ANKRD12: variants seen among roughly 807,000 people sequenced by gnomAD.
The protein encoded by ANKRD12 is ankyrin repeat domain 12, also known as ankyrin repeat domain-containing protein 12.
In ANKRD12, 85 loss-of-function variants were observed where a neutral mutation model predicts 183.4. The ratio of observed to expected loss-of-function variants is 0.46; its 90% CI spans 0.39 to 0.56. The LOEUF (loss-of-function observed/expected upper bound fraction) is 0.56, where lower values mean the gene tolerates loss of function less well. ANKRD12 is among the 20% of genes least tolerant of loss of function. The pLI is 0.00. For synonymous variants in ANKRD12, 914 were observed against 800.2 expected (o/e 1.14, Z -2.40); for missense variants, 2,405 against 2,357.1 (o/e 1.02, Z -0.42).
At chr18:9,139,181 A>G (rs976716329) in intron 1 of ANKRD12, among the ~76,000 whole-genome samples, 6 of 152,216 alleles carry the variant, frequency 3.9e-5, no homozygotes, top group Admixed American at 1.3e-4. Flanking sequence ...AGACGAGGAA[A>G]GAATTTAGCT....
chr18:9,164,715 C>G (rs2031845625), intron 1 of ANKRD12, among the ~76,000 whole-genome samples: 1 of 152,148 alleles, frequency 6.6e-6, no homozygotes, highest in Non-Finnish European at 1.5e-5. Flanking sequence ...GAGTGAATTT[C>G]TTCGTCTTGA....
At chr18:9,158,364 G>T (rs115843342) in intron 1 of ANKRD12, among the ~76,000 whole-genome samples, 1 of 152,144 alleles carries the variant, frequency 6.6e-6, no homozygotes, top group South Asian at 2.1e-4. Flanking sequence ...CCAGGATACC[G>T]CATTACATTT....
In ANKRD12 at chr18:9,254,474, G is replaced by A. The variant is rs760092152; in HGVS notation, c.1207G>A (p.Glu403Lys). Reference protein sequence around the residue: ...AEKTHLFAKQEKAFYPKSFKS... With the variant: ...AEKTHLFAKQKKAFYPKSFKS... ...AAAAACTCATTTATTTGCAAAACAG[G>A]AGAAAGCCTTCTATCCTAAATCATT... Residue 403 changes from glutamate to lysine, a missense_variant, in exon 9 of 13, where the codon GAG becomes AAG. Physicochemically the swap from Glu to Lys is moderately conservative, Grantham distance 56 (BLOSUM62 1). Around this residue, in one of 7 missense-constraint regions of ANKRD12, gnomAD observed 1,983 missense variants for 1,725.9 expected, o/e 1.15. Coordinates refer to ENST00000262126, the MANE Select transcript of ANKRD12 (RefSeq NM_015208.5). 8 of 1,562,544 alleles carry A rather than the reference G, an allele frequency of 5.1e-6. No individual in the cohort carries two copies. In the South Asian group the frequency reaches 9.9e-5, roughly 19 times the overall value.
Position 9,182,504 on chromosome 18 carries a change from A to G in ANKRD12, c.72A>G (p.Lys24=). Reference sequence around the variant, plus strand: ...ACAGTGACAGCAATATGGTAGAGAAACCATATGGAAGAAAGGTATATGATT... The same window carrying G: ...ACAGTGACAGCAATATGGTAGAGAAGCCATATGGAAGAAAGGTATATGATT... ...NSDSDSNMVE[K]PYGRKSKDKI... The change falls in exon 2 of 13, where the codon AAA becomes AAG. Residue 24 remains lysine (K), a synonymous_variant. Coordinates refer to ENST00000262126, the MANE Select transcript of ANKRD12 (RefSeq NM_015208.5). The G allele has an allele frequency of 1.2e-6, 2 of 1,606,568 alleles. No individual in the cohort carries two copies. Among genetic ancestry groups the G allele is most frequent in the African/African-American group, 1.3e-5 (1 of 74,654 alleles).
chr18:9,274,021 C>T (rs1316187549), intron 10 of ANKRD12, among the ~76,000 whole-genome samples: 2 of 152,174 alleles, frequency 1.3e-5, no homozygotes, highest in African/African-American at 2.4e-5. Flanking sequence ...TACTGGACAG[C>T]TAAAGGAAGA....
intron 1 of ANKRD12, 23 bp from the exon 2 acceptor site, chr18:9,182,359 C>T (rs2033760367): frequency 4.5e-6 from 3 of 672,176 alleles, no homozygotes; most frequent in African/African-American, 2.2e-5. Context: ...TTCAAATAAC[C>T]CTTATATATC....
intron 8 of ANKRD12, among the ~76,000 whole-genome samples, chr18:9,241,039 A>C (rs2037630091): frequency 6.7e-6 from 1 of 150,158 alleles, no homozygotes; most frequent in Non-Finnish European, 1.5e-5. Flanking sequence ...TAAGAGATCC[A>C]AAAAAAATTA....
chr18:9,212,579 C>G (rs2035868551), intron 6 of ANKRD12, among the ~76,000 whole-genome samples: 1 of 151,662 alleles, frequency 6.6e-6, no homozygotes, highest in Admixed American at 6.6e-5. Context: ...GTAGTAAATA[C>G]CTATATAGAA....
chr18:9,176,773 G>A (rs954124315), intron 1 of ANKRD12, among the ~76,000 whole-genome samples: 1 of 152,106 alleles, frequency 6.6e-6, no homozygotes, highest in East Asian at 1.9e-4. Flanking sequence ...AGAAATAGCA[G>A]TGGTGTTAAA....
rs562464265 is a variant in ANKRD12 at position 9,189,573 on chromosome 18, C to T, written c.88-5978C>T. ...AAGCTTCAGAGGACAGGCTCACTGT[C>T]TTGTTAGGGACAAATGCAGCTGACA... is the stretch of plus-strand genomic sequence containing the variant. On this transcript the variant is annotated intron_variant, in intron 2 of 12. Coordinates refer to ENST00000262126, the MANE Select transcript of ANKRD12 (RefSeq NM_015208.5). Among the ~76,000 whole-genome samples the T allele has an allele frequency of 5.3e-5, 8 of 152,344 alleles. No individual in the cohort carries two copies. In the South Asian group the frequency reaches 1.7e-3, roughly 32 times the overall value.
chr18:9,284,442 T>C lies in ANKRD12; in HGVS notation c.*3316T>C, dbSNP rs1162814515. On this transcript the variant is annotated 3_prime_UTR_variant, in exon 13 of 13. Transcript: ENST00000262126. ...TAAAACATAAAAACCCAAAATTTTA[T>C]ATAGAAGAAATTGACTCTGTAAAAC... 6.6e-6 allele frequency: 1 copy of C among 152,220 alleles called. No individual in the cohort carries two copies. Among genetic ancestry groups the C allele is most frequent in the East Asian group, 1.9e-4 (1 of 5,200 alleles). 9.4% of individuals were successfully genotyped at this position (152,220 alleles called of 1,614,324 possible).
Position 9,258,395 on chromosome 18 carries a change from T to C in ANKRD12, c.5128T>C (p.Tyr1710His). 1.9e-6 allele frequency: 3 copies of C among 1,613,738 alleles called. No individual in the cohort carries two copies. Among genetic ancestry groups the C allele is most frequent in the Middle Eastern group, 1.7e-4 (1 of 6,058 alleles). Residue 1710 changes from tyrosine to histidine, a missense_variant, in exon 9 of 13, where the codon TAT (tyrosine) becomes CAT (histidine). Physicochemically the swap from Tyr to His is moderately conservative, Grantham distance 83. Transcript: ENST00000262126. The stretch of plus-strand genomic sequence containing the variant: ...GTCAACTCAACCAGAAATGCATAAA[T>C]ATGGTCAGTTAGTTAAAGTAGAATT... ...QQSTQPEMHK[Y>H]GQLVKVELEE...
intron 6 of ANKRD12, among the ~76,000 whole-genome samples, chr18:9,212,460 G>T (rs560838953): frequency 1.2e-5 from 1 of 85,766 alleles, no homozygotes; most frequent in African/African-American, 4.0e-5. Context: ...CTGCCTTAAT[G>T]TCTTACAGAT....
At chr18:9,173,949 A>G (rs1481967244) in intron 1 of ANKRD12, among the ~76,000 whole-genome samples, 1 of 152,206 alleles carries the variant, frequency 6.6e-6, no homozygotes, top group Non-Finnish European at 1.5e-5. Context: ...TCCTCCCCCT[A>G]GGGGCTTGTC....
chr18:9,280,656 G>A (rs2040069688), intron 12 of ANKRD12, among the ~76,000 whole-genome samples: 1 of 152,120 alleles, frequency 6.6e-6, no homozygotes, highest in Non-Finnish European at 1.5e-5. Context: ...GGGCGTGGTG[G>A]CACATGCCTG....
rs759387137 is a variant in ANKRD12 at position 9,186,750 on chromosome 18, CTTTTTTT to C, written c.87+4245_87+4251del. On this transcript the variant is annotated intron_variant, in intron 2 of 12. Transcript: ENST00000262126. ...TTGCAATGTGTATTTCTTTGATTGT[CTTTTTTT>C]TTTTTTTTTTTTTGACGGAGTCTCG... is the stretch of plus-strand genomic sequence containing the variant. 3.3e-4 allele frequency among the ~76,000 whole-genome samples: 39 copies of C among 117,246 alleles called. No homozygotes were observed. In the South Asian group the frequency reaches 3.8e-3, roughly 11 times the overall value. 76.9% of individuals were successfully genotyped at this position (117,246 alleles called of 152,430 possible). A position where few individuals can be genotyped will look rare whatever the true frequency, so the allele number is the denominator to read the frequency against.
chr18:9,199,003 T>C (rs2035011564), intron 3 of ANKRD12, among the ~76,000 whole-genome samples: 1 of 152,080 alleles, frequency 6.6e-6, no homozygotes, highest in South Asian at 2.1e-4. Context: ...TTAAAAATAA[T>C]GTAGTAAGGC....
chr18:9,221,039 CAA>C (rs1250089184), intron 7 of ANKRD12, among the ~76,000 whole-genome samples: 1 of 152,152 alleles, frequency 6.6e-6, no homozygotes, highest in Non-Finnish European at 1.5e-5. Context: ...TAGGTTTCAG[CAA>C]AGTTTCCTTG....
rs988236713 is a variant in ANKRD12, at chr18:9,285,490, G to T, written c.*4364G>T. On this transcript the variant is annotated 3_prime_UTR_variant, in exon 13 of 13. Coordinates refer to ENST00000262126, the MANE Select transcript of ANKRD12 (RefSeq NM_015208.5). The stretch of plus-strand genomic sequence containing the variant: ...TAGCATGTGTTTACAAGTTTAAAAG[G>T]CACCACCTATGCACTCATCACTCAA... The T allele has an allele frequency of 6.6e-6, 1 of 150,468 alleles. No homozygotes were observed. Among genetic ancestry groups the T allele is most frequent in the African/African-American group, 2.4e-5 (1 of 40,906 alleles). 9.3% of individuals were successfully genotyped at this position (150,468 alleles called of 1,614,324 possible).
Sources: gnomAD v4.1 joint callset for allele counts (sites outside exome capture counted in the v4.1 genomes callset) on GRCh38, gnomAD v4.1.1 for gene constraint, gnomAD v4.1.1 regional missense constraint, MANE v1.5 for transcripts, NCBI Gene and HGNC (gene_info 2026-07-23, HGNC 2026-07-21) for gene names.